Variants in TMEM182 observed in about 807,000 individuals in gnomAD.
TMEM182 encodes transmembrane protein 182.
Under a neutral mutation model 26.8 loss-of-function variants are expected in TMEM182, and 20 were observed. The ratio of observed to expected loss-of-function variants is 0.75; its 90% CI spans 0.53 to 1.09. The LOEUF (loss-of-function observed/expected upper bound fraction) is 1.09, where lower values mean the gene tolerates loss of function less well. Ranked by LOEUF, TMEM182 falls within the 50% of genes least tolerant of loss-of-function variation. The pLI is 0.00. For missense variants in TMEM182, 277 were observed against 275.5 expected (o/e 1.01, Z -0.04); for synonymous variants, 109 against 102.2 (o/e 1.07, Z -0.40).
chr2:102,784,065 A>T lies in TMEM182; in HGVS notation c.332-13798A>T, dbSNP rs548790075. Among the ~76,000 whole-genome samples the T allele has an allele frequency of 5.8e-4, 88 of 152,288 alleles. 1 individual carries two copies. Among genetic ancestry groups the T allele is most frequent in the Non-Finnish European group, 1.2e-3 (80 of 68,014 alleles). ...ATTTTTCCAAGGCATCTGCTGGCAG[A>T]CACGGGCCACTATTTGCAGGTACAA... On this transcript the variant is annotated intron_variant, in intron 3 of 4. Coordinates refer to ENST00000412401, the MANE Select transcript of TMEM182 (RefSeq NM_144632.5).
At chr2:102,768,544 CAAA>C (rs1193465898) in intron 3 of TMEM182, among the ~76,000 whole-genome samples, 3 of 149,768 alleles carry the variant, frequency 2.0e-5, no homozygotes, top group African/African-American at 7.4e-5. Flanking sequence ...AAAACACACA[CAAA>C]AAAATTAGCC....
In TMEM182 at chr2:102,771,304, G is replaced by A. The variant is rs112160519; in HGVS notation, c.331+6877G>A. Among the ~76,000 whole-genome samples the A allele has an allele frequency of 1.6e-3, 246 of 152,272 alleles. 2 individuals are homozygous for A. The highest frequency in any genetic ancestry group is 2.0e-3 in the Non-Finnish European group (135 of 68,026). ...GCCATCACCACAGACACAGTATCACGTTACAGGAGTGGCTGCAGTTCCTGA... is the reference window on the plus strand; with the variant it reads ...GCCATCACCACAGACACAGTATCACATTACAGGAGTGGCTGCAGTTCCTGA... On this transcript the variant is annotated intron_variant, in intron 3 of 4. Transcript: ENST00000412401.
intron 3 of TMEM182, among the ~76,000 whole-genome samples, chr2:102,792,049 C>A (rs1477965920): frequency 6.6e-6 from 1 of 150,970 alleles, no homozygotes; most frequent in Non-Finnish European, 1.5e-5. Context: ...TATACACACA[C>A]ACACACACAC....
rs17027941 is a variant in TMEM182 at position 102,768,205 on chromosome 2, G to A, written c.331+3778G>A. ...TACTTTTTTTCTAGTTCAATTCTAA[G>A]CTCCATGAGAGTGGGAGTCTTGTAT... is the stretch of plus-strand genomic sequence containing the variant. On this transcript the variant is annotated intron_variant, in intron 3 of 4. Coordinates refer to ENST00000412401, the MANE Select transcript of TMEM182 (RefSeq NM_144632.5). 8.0e-3 allele frequency among the ~76,000 whole-genome samples: 1,209 copies of A among 152,074 alleles called. 19 individuals are homozygous for A. The highest frequency in any genetic ancestry group is 0.027 in the African/African-American group (1,125 of 41,478).
chr2:102,828,982 C>T (rs539500776), intron 3 of TMEM182, among the ~76,000 whole-genome samples: 1 of 152,090 alleles, frequency 6.6e-6, no homozygotes, highest in African/African-American at 2.4e-5. Flanking sequence ...TTCTGTGGCC[C>T]GTTTATGGTT....
At chr2:102,736,994 C>G (rs1679371729) in exon 1 of TMEM182, 1 of 617,042 alleles carries the variant, frequency 1.6e-6, no homozygotes, top group Non-Finnish European at 2.7e-6. Flanking sequence ...AAGGTGGGGA[C>G]TGGGCACATC....
intron 4 of TMEM182, among the ~76,000 whole-genome samples, chr2:102,813,040 A>G (rs1023488170): frequency 6.6e-6 from 1 of 152,194 alleles, no homozygotes; most frequent in Admixed American, 6.5e-5. Flanking sequence ...GTTGTTTCTC[A>G]GTGGCTATAT....
intron 1 of TMEM182, among the ~76,000 whole-genome samples, chr2:102,744,563 GA>G (rs1679635449): frequency 6.6e-6 from 1 of 152,014 alleles, no homozygotes; most frequent in Non-Finnish European, 1.5e-5. Flanking sequence ...TCTTTCTGAA[GA>G]AATTCTTTTA....
chr2:102,798,092 G>A, intron 4 of TMEM182, 92 bp downstream of exon 4: 1 of 1,421,414 alleles, frequency 7.0e-7, no homozygotes, highest in Non-Finnish European at 9.5e-7. Context: ...CAGCCTTCTA[G>A]TAACAGTAAC....
At chr2:102,834,237 C>A (rs1359326064) in intron 3 of TMEM182, among the ~76,000 whole-genome samples, 1 of 152,194 alleles carries the variant, frequency 6.6e-6, no homozygotes, top group East Asian at 1.9e-4. Flanking sequence ...GTGGGCCTAA[C>A]TCTAAGGCTG....
chr2:102,807,975 G>C (rs1014806492), intron 4 of TMEM182, among the ~76,000 whole-genome samples: 1 of 152,080 alleles, frequency 6.6e-6, no homozygotes, highest in Non-Finnish European at 1.5e-5. Flanking sequence ...TCATGCAAAG[G>C]CTAATTGGGA....
intron 4 of TMEM182, among the ~76,000 whole-genome samples, chr2:102,808,246 T>A (rs569076406): frequency 4.0e-4 from 61 of 152,336 alleles, no homozygotes; most frequent in African/African-American, 1.5e-3. Context: ...AAGGATGGGT[T>A]GTGTTCTAGG....
downstream of TMEM182, among the ~76,000 whole-genome samples, chr2:102,818,233 G>A (rs185430358): frequency 1.3e-3 from 191 of 152,282 alleles, 1 homozygote; most frequent in Middle Eastern, 6.8e-3. Flanking sequence ...ATTGTATGAA[G>A]GAGTTAAATA....
chr2:102,766,158 A>G lies in TMEM182; in HGVS notation c.331+1731A>G, dbSNP rs1321013367. On this transcript the variant is annotated intron_variant, in intron 3 of 4. Transcript: ENST00000412401. Reference sequence around the variant, plus strand: ...ATAAGATAGGTATTGTAGGCACTGTATATTTAAAAATGATCCCATATTTGA... The same window carrying G: ...ATAAGATAGGTATTGTAGGCACTGTGTATTTAAAAATGATCCCATATTTGA... 3.3e-5 allele frequency among the ~76,000 whole-genome samples: 5 copies of G among 152,232 alleles called. No individual in the cohort carries two copies. In the South Asian group the frequency reaches 6.2e-4, roughly 19 times the overall value.
At position 102,800,831 on chromosome 2, in the gene TMEM182, G is replaced by A. The variant is rs773655199; in HGVS notation, c.469+2831G>A. Among the ~76,000 whole-genome samples the A allele has an allele frequency of 7.9e-3, 1,186 of 149,554 alleles. 18 individuals are homozygous for A. Among genetic ancestry groups the A allele is most frequent in the African/African-American group, 0.028 (1,102 of 39,474 alleles). ...TGTGTGTGTGTGTGTGTGTGTGTGT[G>A]TGTGTGTGTGTTTAGTAGCTTTGAA... On this transcript the variant is annotated intron_variant, in intron 4 of 4. Transcript: ENST00000412401.
chr2:102,793,304 G>A (rs1681727512), intron 3 of TMEM182, among the ~76,000 whole-genome samples: 2 of 152,184 alleles, frequency 1.3e-5, no homozygotes. Flanking sequence ...ATGTGATATG[G>A]AACATGGCCA....
chr2:102,784,770 G>A (rs1163499230), intron 3 of TMEM182, among the ~76,000 whole-genome samples: 2 of 152,172 alleles, frequency 1.3e-5, no homozygotes, highest in Non-Finnish European at 2.9e-5. Flanking sequence ...ACTTGCTGAC[G>A]TTGCCATGGC....
chr2:102,819,927 A>G (rs1313688905), downstream of TMEM182, among the ~76,000 whole-genome samples: 1 of 152,302 alleles, frequency 6.6e-6, no homozygotes, highest in Non-Finnish European at 1.5e-5. Flanking sequence ...TGAACTAGTC[A>G]TGTTTTCCCT....
chr2:102,802,653 A>C (rs1346848843), intron 4 of TMEM182, among the ~76,000 whole-genome samples: 1 of 152,222 alleles, frequency 6.6e-6, no homozygotes, highest in Non-Finnish European at 1.5e-5. Context: ...ATGGGTAGGC[A>C]TGGCATTCTA....
Sources: allele counts gnomAD v4.1 joint callset (sites outside exome capture counted in the v4.1 genomes callset), GRCh38; gene constraint gnomAD v4.1.1; transcripts MANE v1.5; gene names NCBI Gene and HGNC (gene_info 2026-07-23, HGNC 2026-07-21).